Variants in ZNF573 observed in about 807,000 individuals in gnomAD.
The protein encoded by ZNF573 is zinc finger protein 573.
ZNF573 carries 41 observed loss-of-function variants against 57.4 expected under a neutral mutation model. The observed-to-expected ratio is 0.71, with a 90% CI of 0.56 to 0.93. The LOEUF is 0.93. ZNF573 is among the 40% of genes least tolerant of loss of function. The pLI, the probability that ZNF573 is intolerant of heterozygous loss-of-function variation, is 0.00. For synonymous variants in ZNF573, 249 were observed against 261.0 expected (o/e 0.95, Z 0.44); for missense variants, 730 against 794.8 (o/e 0.92, Z 0.98).
chr19:37,743,501 G>T (rs1250317105), intron 4 of ZNF573, among the ~76,000 whole-genome samples: 1 of 152,128 alleles, frequency 6.6e-6, no homozygotes, highest in Non-Finnish European at 1.5e-5. Flanking sequence ...AGATGCTGGT[G>T]AGGCTGTGGA....
chr19:37,750,538 G>GTAC (rs1349665442), intron 4 of ZNF573, among the ~76,000 whole-genome samples: 1 of 152,044 alleles, frequency 6.6e-6, no homozygotes, highest in Non-Finnish European at 1.5e-5. Flanking sequence ...GGTTAGTCAA[G>GTAC]TACTAGAATT....
At chr19:37,778,566 T>C (rs773011190) in intron 1 of ZNF573, 3 of 151,594 alleles carry the variant, frequency 2.0e-5, no homozygotes, top group Admixed American at 6.6e-5. Flanking sequence ...AGAAAGCAGA[T>C]TGGTATTAGG....
chr19:37,746,993 A>G (rs2045389962), intron 4 of ZNF573, among the ~76,000 whole-genome samples: 2 of 152,250 alleles, frequency 1.3e-5, no homozygotes, highest in Admixed American at 1.3e-4. Context: ...TGAAGGTAGT[A>G]CCAGGAAAGA....
intron 4 of ZNF573, among the ~76,000 whole-genome samples, chr19:37,766,742 T>G (rs985730979): frequency 6.6e-6 from 1 of 152,170 alleles, no homozygotes; most frequent in African/African-American, 2.4e-5. Flanking sequence ...TAAGCCCAGC[T>G]CTGTCTGGTA....
intron 4 of ZNF573, among the ~76,000 whole-genome samples, chr19:37,766,783 A>AC (rs2045605345): frequency 6.6e-6 from 1 of 152,198 alleles, no homozygotes; most frequent in Admixed American, 6.5e-5. Context: ...CCAACATATG[A>AC]TGCATACAAT....
At chr19:37,767,342 C>T (rs2145322412) in intron 4 of ZNF573, among the ~76,000 whole-genome samples, 1 of 152,274 alleles carries the variant, frequency 6.6e-6, no homozygotes, top group Middle Eastern at 3.4e-3. Flanking sequence ...TCTTCTCCTG[C>T]CTCAGCCTCC....
At chr19:37,761,340 T>C (rs1323286945) in intron 4 of ZNF573, among the ~76,000 whole-genome samples, 2 of 152,128 alleles carry the variant, frequency 1.3e-5, no homozygotes, top group Non-Finnish European at 2.9e-5. Flanking sequence ...TACCACAAAA[T>C]GAAGTCCGCA....
intron 1 of ZNF573, chr19:37,778,445 G>C (rs994693393): frequency 6.6e-6 from 1 of 150,972 alleles, no homozygotes; most frequent in Non-Finnish European, 1.5e-5. Flanking sequence ...CAAGTGATCC[G>C]TCCGCCTTGG....
chr19:37,759,356 A>G (rs948796828), intron 4 of ZNF573, among the ~76,000 whole-genome samples: 11 of 152,196 alleles, frequency 7.2e-5, no homozygotes, highest in Non-Finnish European at 1.3e-4. Flanking sequence ...AAAAGTTTAT[A>G]AACATTTAAT....
chr19:37,776,430 C>T (rs1374175550), intron 1 of ZNF573, among the ~76,000 whole-genome samples: 1 of 152,090 alleles, frequency 6.6e-6, no homozygotes, highest in Non-Finnish European at 1.5e-5. Context: ...TGGCAAGCCA[C>T]GTGTAGAAGA....
intron 4 of ZNF573, among the ~76,000 whole-genome samples, chr19:37,757,291 G>A (rs1039190167): frequency 1.3e-5 from 2 of 152,094 alleles, no homozygotes; most frequent in Non-Finnish European, 2.9e-5. Context: ...CCACCTCCTG[G>A]GTTCAAGCAA....
chr19:37,756,550 A>G (rs1348607850), intron 4 of ZNF573, among the ~76,000 whole-genome samples: 2 of 152,118 alleles, frequency 1.3e-5, no homozygotes, highest in African/African-American at 2.4e-5. Context: ...AATCTTTAAT[A>G]TTACTAATAT....
intron 4 of ZNF573, among the ~76,000 whole-genome samples, chr19:37,762,603 T>G (rs1168426756): frequency 6.6e-6 from 1 of 152,122 alleles, no homozygotes; most frequent in East Asian, 1.9e-4. Context: ...ACAATGACCC[T>G]GATTGGCAAG....
intron 4 of ZNF573, among the ~76,000 whole-genome samples, chr19:37,743,078 G>A (rs997434578): frequency 1.3e-5 from 2 of 152,144 alleles, no homozygotes; most frequent in African/African-American, 4.8e-5. Context: ...CAGCACTTTG[G>A]GAGGCCAAGG....
chr19:37,761,754 A>G (rs1240011056), intron 4 of ZNF573, among the ~76,000 whole-genome samples: 1 of 152,158 alleles, frequency 6.6e-6, no homozygotes, highest in Non-Finnish European at 1.5e-5. Flanking sequence ...TCCTGTTTCT[A>G]CATAGCTGTC....
At chr19:37,772,408 C>T (rs1159793524) in intron 2 of ZNF573, among the ~76,000 whole-genome samples, 1 of 151,940 alleles carries the variant, frequency 6.6e-6, no homozygotes. Context: ...GCTGGGATTA[C>T]AGGCGTGAGC....
At chr19:37,774,571 A>T (rs2045690584) in intron 1 of ZNF573, among the ~76,000 whole-genome samples, 1 of 152,236 alleles carries the variant, frequency 6.6e-6, no homozygotes, top group African/African-American at 2.4e-5. Context: ...TAAATACAAA[A>T]TATACATGTA....
At chr19:37,763,636 A>G (rs1197596273) in intron 4 of ZNF573, among the ~76,000 whole-genome samples, 8 of 152,204 alleles carry the variant, frequency 5.3e-5, no homozygotes, top group Non-Finnish European at 7.3e-5. Flanking sequence ...TGCAATGACT[A>G]TATATTTCAT....
At chr19:37,746,336 A>G (rs2045382162) in intron 4 of ZNF573, among the ~76,000 whole-genome samples, 1 of 152,198 alleles carries the variant, frequency 6.6e-6, no homozygotes, top group African/African-American at 2.4e-5. Flanking sequence ...TTACACATAC[A>G]CTGGAGTTGA....
Sources: allele counts gnomAD v4.1 joint callset (sites outside exome capture counted in the v4.1 genomes callset), GRCh38; gene constraint gnomAD v4.1.1; transcripts MANE v1.5; gene names NCBI Gene and HGNC (gene_info 2026-07-23, HGNC 2026-07-21).